MOB3B: variants seen among roughly 807,000 people sequenced by gnomAD.
MOB3B encodes MOB kinase activator-like 2B.
MOB3B carries 7 observed loss-of-function variants against 18.7 expected under a neutral mutation model. The observed-to-expected ratio is 0.37, with a 90% confidence interval of 0.21 to 0.70. The LOEUF (loss-of-function observed/expected upper bound fraction) is 0.70. Ranked by LOEUF, MOB3B falls within the 30% of genes least tolerant of loss-of-function variation. The pLI is 0.52. For synonymous variants in MOB3B, 111 were observed against 99.9 expected, an observed-to-expected ratio of 1.11 and a Z score of -0.66; for missense variants, 253 against 281.3, an observed-to-expected ratio of 0.90 and a Z score of 0.72.
At chr9:27,436,373 C>A (rs1822501332) in intron 2 of MOB3B, among the ~76,000 whole-genome samples, 1 of 152,232 alleles carries the variant, frequency 6.6e-6, no homozygotes, top group Non-Finnish European at 1.5e-5. Flanking sequence ...TTCCTACACT[C>A]ATGGAGCTTC....
chr9:27,421,122 CTCT>C, intron 2 of MOB3B: 1 of 153,000 alleles, frequency 6.5e-6, no homozygotes, highest in South Asian at 2.1e-4. Flanking sequence ...CGGAGTTTCG[CTCT>C]TGTTGCCCAG....
intron 1 of MOB3B, among the ~76,000 whole-genome samples, chr9:27,501,591 G>A (rs1279354381): frequency 7.4e-6 from 1 of 134,620 alleles, no homozygotes; most frequent in Non-Finnish European, 1.6e-5. Flanking sequence ...CACACACCAG[G>A]GCCTGTCATG....
chr9:27,409,039 T>C (rs1040710804), intron 2 of MOB3B, among the ~76,000 whole-genome samples: 59 of 152,352 alleles, frequency 3.9e-4, no homozygotes, highest in African/African-American at 1.4e-3. Flanking sequence ...GTATTGCATA[T>C]AATCCTCACA....
intron 2 of MOB3B, among the ~76,000 whole-genome samples, chr9:27,392,695 C>T (rs1587177334): frequency 6.6e-6 from 1 of 152,178 alleles, no homozygotes; most frequent in South Asian, 2.1e-4. Context: ...TTGGGAAGCT[C>T]TCAGGCAGTG....
intron 2 of MOB3B, among the ~76,000 whole-genome samples, chr9:27,394,958 A>G (rs1821778607): frequency 6.6e-6 from 1 of 152,218 alleles, no homozygotes; most frequent in East Asian, 1.9e-4. Context: ...GCTCTATTAG[A>G]TTGAAAATAT....
At chr9:27,367,057 C>T (rs1247789319) in intron 2 of MOB3B, among the ~76,000 whole-genome samples, 1 of 152,222 alleles carries the variant, frequency 6.6e-6, no homozygotes, top group Non-Finnish European at 1.5e-5. Flanking sequence ...CGGTGTCCAG[C>T]CTCCTCACAA....
intron 2 of MOB3B, among the ~76,000 whole-genome samples, chr9:27,429,251 C>G (rs979527354): frequency 6.6e-6 from 1 of 152,126 alleles, no homozygotes; most frequent in Non-Finnish European, 1.5e-5. Context: ...CTAAGATGAA[C>G]CACTTGGAAA....
chr9:27,352,564 A>G (rs1016963902), intron 3 of MOB3B, among the ~76,000 whole-genome samples: 2 of 152,190 alleles, frequency 1.3e-5, no homozygotes, highest in African/African-American at 4.8e-5. Flanking sequence ...ATGAGGAGCA[A>G]CAATGAAAAG....
chr9:27,478,717 T>C lies in MOB3B; in HGVS notation c.-198-22969A>G, dbSNP rs903955054. On this transcript the variant is annotated intron_variant, in intron 1 of 3. Transcript: ENST00000262244. ...GGAGTAGGTTATGTGAGAGTGGCAA[T>C]ACTGAAATGATAAAAGCTGAGAATT... is the stretch of plus-strand genomic sequence containing the variant. Among the ~76,000 whole-genome samples the C allele has an allele frequency of 4.0e-5, 6 of 151,762 alleles. 1 individual carries two copies. The South Asian group carries it at 1.2e-3, about 32-fold the overall frequency.
intron 2 of MOB3B, among the ~76,000 whole-genome samples, chr9:27,395,328 T>G (rs2131386402): frequency 6.6e-6 from 1 of 152,322 alleles, no homozygotes; most frequent in South Asian, 2.1e-4. Context: ...AAAAATGATA[T>G]GAGTTGATTC....
At chr9:27,424,127 A>G (rs147051265) in intron 2 of MOB3B, among the ~76,000 whole-genome samples, 23 of 152,360 alleles carry the variant, frequency 1.5e-4, no homozygotes, top group Admixed American at 1.4e-3. Context: ...ACAGTTAATC[A>G]TCACTCACAT....
intron 2 of MOB3B, among the ~76,000 whole-genome samples, chr9:27,403,892 G>T (rs1821924698): frequency 6.6e-6 from 1 of 151,992 alleles, no homozygotes; most frequent in Admixed American, 6.5e-5. Flanking sequence ...AGAGTAATAG[G>T]GGTATCCATC....
intron 1 of MOB3B, 72 bp from the exon 2 acceptor site, chr9:27,455,820 A>T: frequency 7.4e-7 from 1 of 1,343,186 alleles, no homozygotes; most frequent in Non-Finnish European, 9.6e-7. Flanking sequence ...CTTCAACCTG[A>T]TTTCCACCTT....
chr9:27,518,505 C>T (rs1354113742), intron 1 of MOB3B, among the ~76,000 whole-genome samples: 3 of 152,282 alleles, frequency 2.0e-5, no homozygotes, highest in Admixed American at 1.3e-4. Flanking sequence ...TCTGGTCATC[C>T]TAAAACAGAG....
intron 1 of MOB3B, among the ~76,000 whole-genome samples, chr9:27,494,352 C>A (rs1253809291): frequency 1.3e-5 from 2 of 152,160 alleles, no homozygotes; most frequent in Admixed American, 1.3e-4. Flanking sequence ...TTTGCACACT[C>A]CCTCCCCTTT....
At chr9:27,473,848 C>T (rs1819511500) in intron 1 of MOB3B, among the ~76,000 whole-genome samples, 1 of 152,208 alleles carries the variant, frequency 6.6e-6, no homozygotes. Context: ...CAATAGACTA[C>T]ATGTGTTCAA....
intron 1 of MOB3B, among the ~76,000 whole-genome samples, chr9:27,464,064 C>T (rs557764621): frequency 1.3e-5 from 2 of 152,258 alleles, no homozygotes; most frequent in African/African-American, 4.8e-5. Flanking sequence ...GAAAGTGCTT[C>T]ACAAATGGAA....
At chr9:27,423,526 G>A (rs984617783) in intron 2 of MOB3B, among the ~76,000 whole-genome samples, 4 of 151,796 alleles carry the variant, frequency 2.6e-5, no homozygotes, top group African/African-American at 9.7e-5. Context: ...AGAAGGTATG[G>A]AGCATTTAGT....
intron 1 of MOB3B, among the ~76,000 whole-genome samples, chr9:27,498,715 A>C (rs930978371): frequency 3.9e-5 from 6 of 152,198 alleles, no homozygotes; most frequent in Admixed American, 3.9e-4. Context: ...GTTGGTGCTG[A>C]GGCACATGCA....
Sources: allele counts gnomAD v4.1 joint callset (sites outside exome capture counted in the v4.1 genomes callset), GRCh38; gene constraint gnomAD v4.1.1; transcripts MANE v1.5; gene names NCBI Gene and HGNC (gene_info 2026-07-23, HGNC 2026-07-21).